The following MGST2 variants were observed in gnomAD, a reference collection of about 807,000 sequenced individuals.
The protein encoded by MGST2 is glutathione peroxidase MGST2.
Under a neutral mutation model 16.6 loss-of-function variants are expected in MGST2, and 9 were observed. The ratio of observed to expected loss-of-function variants is 0.54; its 90% CI spans 0.33 to 0.95. MGST2 has a LOEUF of 0.95. Ranked by LOEUF, MGST2 falls within the 40% of genes least tolerant of loss-of-function variation. The pLI is 0.03. For missense variants in MGST2, 159 were observed against 175.1 expected (o/e 0.91, Z 0.52); for synonymous variants, 79 against 68.0 (o/e 1.16, Z -0.79).
intron 2 of MGST2, among the ~76,000 whole-genome samples, chr4:139,687,094 T>C (rs908544918): frequency 1.3e-5 from 2 of 152,258 alleles, no homozygotes; most frequent in Non-Finnish European, 2.9e-5. Context: ...GTAAGTACTG[T>C]ATACAAACCC....
the MGST2 span, among the ~76,000 whole-genome samples, chr4:139,748,834 C>T: frequency 1.3e-5 from 2 of 152,170 alleles, no homozygotes; most frequent in Admixed American, 1.3e-4. Context: ...AGGTATTTTG[C>T]CAGCGGCCAT....
intron 2 of MGST2, among the ~76,000 whole-genome samples, chr4:139,694,546 G>A (rs139785521): frequency 1.2e-3 from 180 of 152,200 alleles, no homozygotes; most frequent in African/African-American, 4.2e-3. Context: ...ATTAATTATA[G>A]TTCCCAGAGA....
Position 139,738,407 on chromosome 4 carries a change from G to C in MGST2, c.*49-1805G>C, listed in dbSNP as rs566858557. On this transcript the variant is annotated intron_variant, in intron 5 of 5. Coordinates refer to the MGST2 transcript ENST00000616265. The stretch of plus-strand genomic sequence containing the variant: ...AAAATACAAAAATTAGCTGGGCTTG[G>C]TGGCGTGTGCCTGTAGTCCCAGTTA... Among the ~76,000 whole-genome samples the C allele has an allele frequency of 2.3e-3, 352 of 152,270 alleles. 1 individual carries two copies. Among genetic ancestry groups the C allele is most frequent in the African/African-American group, 8.2e-3 (340 of 41,552 alleles).
chr4:139,736,582 T>C (rs1360255043), intron 5 of MGST2, among the ~76,000 whole-genome samples: 8 of 152,124 alleles, frequency 5.3e-5, no homozygotes, highest in Admixed American at 3.9e-4. Flanking sequence ...AGAAAGGAAA[T>C]AGCTAAGAAT....
intron 2 of MGST2, among the ~76,000 whole-genome samples, chr4:139,689,268 G>A (rs1726432194): frequency 6.6e-6 from 1 of 152,076 alleles, no homozygotes; most frequent in Admixed American, 6.6e-5. Flanking sequence ...CTGGGAGGTG[G>A]AGGAACTGCA....
chr4:139,725,364 C>A (rs1339669809), intron 5 of MGST2, among the ~76,000 whole-genome samples: 1 of 152,164 alleles, frequency 6.6e-6, no homozygotes, highest in Non-Finnish European at 1.5e-5. Flanking sequence ...CCCCTGTAGT[C>A]ACTAAGATGA....
At chr4:139,698,977 C>T (rs906380508) in intron 3 of MGST2, among the ~76,000 whole-genome samples, 9 of 152,164 alleles carry the variant, frequency 5.9e-5, no homozygotes, top group Non-Finnish European at 1.3e-4. Flanking sequence ...TTTTTGGGAG[C>T]ACTTTCAGCA....
downstream of MGST2, among the ~76,000 whole-genome samples, chr4:139,704,582 T>C (rs1050422085): frequency 4.6e-5 from 7 of 152,214 alleles, no homozygotes; most frequent in East Asian, 5.8e-4. Context: ...GGCAAACACA[T>C]AGAGTAGCCA....
At chr4:139,701,766 C>A (rs1187006426) in intron 3 of MGST2, among the ~76,000 whole-genome samples, 1 of 151,718 alleles carries the variant, frequency 6.6e-6, no homozygotes, top group East Asian at 1.9e-4. Flanking sequence ...GAGTTCAAGA[C>A]CAGCCTAGGC....
At chr4:139,728,414 A>G (rs1017021503) in intron 5 of MGST2, among the ~76,000 whole-genome samples, 2 of 152,234 alleles carry the variant, frequency 1.3e-5, no homozygotes, top group Non-Finnish European at 2.9e-5. Flanking sequence ...TGTGCAGCAC[A>G]TACAGCTTCC....
intron 1 of MGST2, among the ~76,000 whole-genome samples, chr4:139,672,435 G>A (rs114596735): frequency 0.019 from 2,958 of 152,214 alleles, 105 homozygotes; most frequent in African/African-American, 0.067. Context: ...TGAGTCATTG[G>A]CCTTTCCAGA....
At chr4:139,720,364 A>G (rs1257773895) in intron 5 of MGST2, 1 of 1,492,624 alleles carries the variant, frequency 6.7e-7, no homozygotes, top group Non-Finnish European at 8.9e-7. Flanking sequence ...ACTCTTCTCC[A>G]TAAGCAATAT....
At chr4:139,699,384 A>G (rs1168095164) in intron 3 of MGST2, among the ~76,000 whole-genome samples, 1 of 152,200 alleles carries the variant, frequency 6.6e-6, no homozygotes, top group Non-Finnish European at 1.5e-5. Context: ...ATATATATCT[A>G]TATAGTCTTT....
At chr4:139,693,337 G>A (rs1049409595) in intron 2 of MGST2, among the ~76,000 whole-genome samples, 16 of 151,526 alleles carry the variant, frequency 1.1e-4, no homozygotes, top group African/African-American at 3.9e-4. Flanking sequence ...CCCAGGAGGC[G>A]GAGCTTGTAG....
downstream of MGST2, among the ~76,000 whole-genome samples, chr4:139,704,793 G>A (rs970975726): frequency 3.3e-5 from 5 of 152,084 alleles, no homozygotes; most frequent in African/African-American, 9.7e-5. Flanking sequence ...ATGGTGGCGG[G>A]TGCCTGTAGT....
intron 3 of MGST2, chr4:139,698,365 G>A (rs546490586): frequency 3.2e-4 from 511 of 1,608,104 alleles, no homozygotes; most frequent in Non-Finnish European, 4.2e-4. Flanking sequence ...GGAAGTTTGC[G>A]AACCAGAAGT....
chr4:139,753,510 T>C, the MGST2 span, among the ~76,000 whole-genome samples: 6 of 152,292 alleles, frequency 3.9e-5, no homozygotes, highest in African/African-American at 1.4e-4. Context: ...TTTCAGAGGC[T>C]GGTAGGAGAA....
intron 3 of MGST2, chr4:139,698,408 G>C (rs1303897123): frequency 6.4e-7 from 1 of 1,567,704 alleles, no homozygotes; most frequent in African/African-American, 1.4e-5. Context: ...TAATTTCACG[G>C]AGCGCCACAG....
downstream of MGST2, among the ~76,000 whole-genome samples, chr4:139,741,881 ATT>A (rs67048216): frequency 6.6e-6 from 1 of 151,746 alleles, no homozygotes; most frequent in Non-Finnish European, 1.5e-5. Flanking sequence ...AAAACATTGC[ATT>A]TTTAAAACGC....
Sources: gnomAD v4.1 joint callset for allele counts (sites outside exome capture counted in the v4.1 genomes callset) on GRCh38, gnomAD v4.1.1 for gene constraint, MANE v1.5 for transcripts, NCBI Gene and HGNC (gene_info 2026-07-23, HGNC 2026-07-21) for gene names.